Variants in BCL7A observed in about 807,000 individuals in gnomAD.
BCL7A encodes the protein BAF chromatin remodeling complex subunit BCL7A, also known as B-cell CLL/lymphoma 7 protein family member A.
BCL7A carries 11 observed loss-of-function variants against 28.4 expected under a neutral mutation model. That is an observed-to-expected ratio of 0.39 (90% confidence interval 0.24 to 0.64). The LOEUF (loss-of-function observed/expected upper bound fraction) is 0.64, where lower values mean the gene tolerates loss of function less well. Ranked by LOEUF, BCL7A falls within the 30% of genes least tolerant of loss-of-function variation. The pLI, the probability that BCL7A is intolerant of heterozygous loss-of-function variation, is 0.50. For missense variants in BCL7A, 222 were observed against 274.8 expected (o/e 0.81, Z 1.36); for synonymous variants, 123 against 103.3 (o/e 1.19, Z -1.15).
In BCL7A at chr12:122,061,407, C is replaced by G. The variant is rs1165998514; in HGVS notation, c.*2244C>G. 4.3e-6 allele frequency: 1 copy of G among 231,888 alleles called. No homozygotes were observed. Among genetic ancestry groups the G allele is most frequent in the African/African-American group, 2.2e-5 (1 of 45,244 alleles). The allele number at this position is 231,888 out of a possible 1,614,324, so 14.4% of individuals were successfully genotyped here. Reference sequence around the variant, plus strand: ...GGTAGGAATGGGCCGGCGATTGGGACCAGCTGGGCCCCACCACGGCCACGC... The same window carrying G: ...GGTAGGAATGGGCCGGCGATTGGGAGCAGCTGGGCCCCACCACGGCCACGC... On this transcript the variant is annotated 3_prime_UTR_variant, in exon 6 of 6. Coordinates refer to ENST00000261822, the MANE Select transcript of BCL7A (RefSeq NM_001024808.3).
intron 1 of BCL7A, among the ~76,000 whole-genome samples, chr12:122,023,350 G>A (rs1883520138): frequency 6.6e-6 from 1 of 152,218 alleles, no homozygotes; most frequent in Admixed American, 6.5e-5. Context: ...TTTATTTCGA[G>A]CCTGGAAGCT....
chr12:122,024,433 T>C (rs1883565834), intron 1 of BCL7A, among the ~76,000 whole-genome samples: 1 of 151,204 alleles, frequency 6.6e-6, no homozygotes, highest in African/African-American at 2.4e-5. Context: ...TAAGGTGGAC[T>C]TTGTAGAAAC....
chr12:122,021,965 T>C lies in BCL7A; in HGVS notation c.-127T>C, dbSNP rs1469448117. The C allele has an allele frequency of 1.5e-5, 10 of 645,510 alleles. No homozygotes were observed. The East Asian group carries it at 1.8e-4, about 11-fold the overall frequency. 40.0% of individuals were successfully genotyped at this position (645,510 alleles called of 1,614,324 possible). A position where few individuals can be genotyped will look rare whatever the true frequency, so the allele number is the denominator to read the frequency against. Reference sequence around the variant, plus strand: ...GTGTGTGTGTGTGTGTGTGAGTGTGTGCGTGTGAGAGTGCGAGTGTCTGTG... The same window carrying C: ...GTGTGTGTGTGTGTGTGTGAGTGTGCGCGTGTGAGAGTGCGAGTGTCTGTG... On this transcript the variant is annotated 5_prime_UTR_variant, in exon 1 of 6. Coordinates refer to ENST00000261822, the MANE Select transcript of BCL7A (RefSeq NM_001024808.3).
At chr12:122,058,053 C>T (rs892625435) in intron 5 of BCL7A, among the ~76,000 whole-genome samples, 4 of 151,852 alleles carry the variant, frequency 2.6e-5, no homozygotes, top group Admixed American at 6.6e-5. Flanking sequence ...AAAAATCATC[C>T]GGGCATGGTG....
chr12:122,058,021 C>G (rs934220345), intron 5 of BCL7A, among the ~76,000 whole-genome samples: 13 of 151,492 alleles, frequency 8.6e-5, no homozygotes, highest in African/African-American at 3.2e-4. Flanking sequence ...AAGACCCCAT[C>G]TCTACAAAAA....
At chr12:122,033,077 T>C (rs1883776909) in intron 2 of BCL7A, among the ~76,000 whole-genome samples, 1 of 152,178 alleles carries the variant, frequency 6.6e-6, no homozygotes, top group Non-Finnish European at 1.5e-5. Context: ...AGGTAAAATA[T>C]GTTACAAAAT....
At chr12:122,046,208 G>A (rs2135854113) in intron 4 of BCL7A, among the ~76,000 whole-genome samples, 1 of 152,246 alleles carries the variant, frequency 6.6e-6, no homozygotes, top group Middle Eastern at 3.4e-3. Context: ...CAGTACATAG[G>A]GGTGAGTGCG....
chr12:122,030,670 CGGTAACA>C, intron 1 of BCL7A, 23 bp from the exon 2 acceptor site: 1 of 1,594,778 alleles, frequency 6.3e-7, no homozygotes, highest in Non-Finnish European at 8.6e-7. Context: ...GAAGAGTCCC[CGGTAACA>C]GGCTCTTCCT....
chr12:122,054,014 CTTTAT>C (rs1046390837), intron 4 of BCL7A, among the ~76,000 whole-genome samples: 2 of 152,078 alleles, frequency 1.3e-5, no homozygotes, highest in Non-Finnish European at 2.9e-5. Flanking sequence ...TGATTTTTAA[CTTTAT>C]TTTTTCTGTA....
Position 122,059,015 on chromosome 12 carries a change from G to T in BCL7A, c.562-77G>T, listed in dbSNP as rs918812710. 20 of 1,321,224 alleles carry T rather than the reference G, an allele frequency of 1.5e-5. No homozygotes were observed. Among genetic ancestry groups the T allele is most frequent in the Non-Finnish European group, 2.1e-5 (19 of 919,090 alleles). 81.8% of individuals were successfully genotyped at this position (1,321,224 alleles called of 1,614,324 possible). A position where few individuals can be genotyped will look rare whatever the true frequency, so the allele number is the denominator to read the frequency against. On this transcript the variant is annotated intron_variant, in intron 5 of 5. Transcript: ENST00000261822. This position sits in a 1 kb window ranked among gnomAD's most constrained non-coding sequence, Gnocchi z 4.0. Reference sequence around the variant, plus strand: ...CCCCCGCTCGGTTCCTTCCTTGGCTGACCTTCGGCCTCACGCCTGGCCTAA... The same window carrying T: ...CCCCCGCTCGGTTCCTTCCTTGGCTTACCTTCGGCCTCACGCCTGGCCTAA...
intron 1 of BCL7A, among the ~76,000 whole-genome samples, chr12:122,026,950 A>G (rs1883641099): frequency 6.6e-6 from 1 of 152,204 alleles, no homozygotes; most frequent in Non-Finnish European, 1.5e-5. Context: ...CTATATTCCT[A>G]CTGCTGGGAC....
chr12:122,024,577 A>G (rs2135836481), intron 1 of BCL7A, among the ~76,000 whole-genome samples: 1 of 150,386 alleles, frequency 6.6e-6, no homozygotes, highest in African/African-American at 2.5e-5. Context: ...TGGGTCTTAG[A>G]CTCAGCCCAT....
rs775224722 is a variant in BCL7A, at chr12:122,061,747, C to T, written c.*2584C>T. ...GGGGAAGCTGCGGCTACACATTCCA[C>T]AAAGTGCTGGCACTTACACCCACAA... On this transcript the variant is annotated 3_prime_UTR_variant, in exon 6 of 6. Coordinates refer to ENST00000261822, the MANE Select transcript of BCL7A (RefSeq NM_001024808.3). 1 of 231,142 alleles carries T rather than the reference C, an allele frequency of 4.3e-6. No homozygotes were observed. Among genetic ancestry groups the T allele is most frequent in the East Asian group, 6.1e-5 (1 of 16,310 alleles). 14.3% of individuals were successfully genotyped at this position (231,142 alleles called of 1,614,324 possible). A position where few individuals can be genotyped will look rare whatever the true frequency, so the allele number is the denominator to read the frequency against.
At chr12:122,024,116 A>G (rs562584141) in intron 1 of BCL7A, among the ~76,000 whole-genome samples, 1 of 152,066 alleles carries the variant, frequency 6.6e-6, no homozygotes, top group East Asian at 1.9e-4. Flanking sequence ...CAGCCCGCTG[A>G]CCCCGCGGGG....
At chr12:122,047,525 GA>G (rs1186897070) in intron 4 of BCL7A, among the ~76,000 whole-genome samples, 34 of 143,328 alleles carry the variant, frequency 2.4e-4, no homozygotes, top group Admixed American at 2.1e-4. Flanking sequence ...ATCCGTCTCA[GA>G]AAAAAAAAAA....
chr12:122,023,365 A>T (rs181225670), intron 1 of BCL7A, among the ~76,000 whole-genome samples: 1 of 152,278 alleles, frequency 6.6e-6, no homozygotes, highest in African/African-American at 2.4e-5. Context: ...GAAGCTGGGC[A>T]GGCCCTGTGG....
intron 3 of BCL7A, among the ~76,000 whole-genome samples, chr12:122,040,532 CAAAAAAAAAA>C (rs1021397193): frequency 1.7e-5 from 1 of 59,754 alleles, no homozygotes; most frequent in South Asian, 5.5e-4. Flanking sequence ...GCCGTGTCTC[CAAAAAAAAAA>C]AAAAAAAACC....
chr12:122,048,924 G>T (rs1183597295), intron 4 of BCL7A, among the ~76,000 whole-genome samples: 2 of 151,252 alleles, frequency 1.3e-5, no homozygotes, highest in African/African-American at 2.4e-5. Flanking sequence ...GGGAAGCTGA[G>T]GCAGGAGAAT....
At chr12:122,026,807 C>T (rs1883638809) in intron 1 of BCL7A, among the ~76,000 whole-genome samples, 1 of 152,206 alleles carries the variant, frequency 6.6e-6, no homozygotes, top group Admixed American at 6.5e-5. Context: ...GGTGGGTAAC[C>T]CTAAGATGGT....
Sources: gnomAD v4.1 joint callset for allele counts (sites outside exome capture counted in the v4.1 genomes callset) on GRCh38, gnomAD v4.1.1 for gene constraint, Gnocchi (gnomAD v3.1) non-coding constraint, MANE v1.5 for transcripts, NCBI Gene and HGNC (gene_info 2026-07-23, HGNC 2026-07-21) for gene names.